Variants in DST observed in about 807,000 individuals in gnomAD.
DST encodes the protein bullous pemphigoid antigen.
In DST, 253 loss-of-function variants were observed where a neutral mutation model predicts 875.2. The observed-to-expected ratio is 0.29, with a 90% CI of 0.26 to 0.32. DST has a LOEUF of 0.32. Ranked by LOEUF, DST falls within the 10% of genes least tolerant of loss-of-function variation. The pLI is 1.00. For missense variants in DST, 8,287 were observed against 9,111.6 expected, an observed-to-expected ratio of 0.91 and a Z score of 3.68; for synonymous variants, 3,124 against 3,197.1, an observed-to-expected ratio of 0.98 and a Z score of 0.77.
At chr6:56,692,019 T>C (rs1002966174) in intron 9 of DST, among the ~76,000 whole-genome samples, 1 of 152,234 alleles carries the variant, frequency 6.6e-6, no homozygotes, top group African/African-American at 2.4e-5. Context: ...CTCATGACTA[T>C]TTCTAATTGA....
chr6:56,548,239 T>C (rs2097261753), intron 61 of DST, among the ~76,000 whole-genome samples: 1 of 152,204 alleles, frequency 6.6e-6, no homozygotes, highest in African/African-American at 2.4e-5. Context: ...AGTTTATGAA[T>C]TTGTGTTGGG....
intron 93 of DST, 65 bp from the exon 94 acceptor site, chr6:56,472,287 C>T: frequency 6.7e-7 from 1 of 1,489,978 alleles, no homozygotes; most frequent in African/African-American, 1.4e-5. Flanking sequence ...TAAGGCTTGA[C>T]CTTTTTTGCT....
chr6:56,498,182 T>C (rs1318600784), intron 80 of DST, 129 bp from the exon 81 acceptor site: 35 of 939,754 alleles, frequency 3.7e-5, no homozygotes, highest in Middle Eastern at 2.5e-4. Flanking sequence ...GAATTTTAAT[T>C]TTTTTTAAAG....
At chr6:56,542,595 AT>A (rs2097148517) in intron 61 of DST, 2 of 152,272 alleles carry the variant, frequency 1.3e-5, no homozygotes, top group African/African-American at 2.4e-5. Context: ...CAGGGACTAC[AT>A]TAGCCTTTGA....
intron 36 of DST, chr6:56,618,225 C>A (rs780160640): frequency 3.7e-6 from 6 of 1,614,066 alleles, no homozygotes. Flanking sequence ...TGGAATTGGA[C>A]TTCTTTGGGT....
chr6:56,748,532 G>C lies in DST; in HGVS notation c.626-13243C>G, dbSNP rs190151565. Among the ~76,000 whole-genome samples, 4 of 152,208 alleles carry C rather than the reference G, an allele frequency of 2.6e-5. No individual in the cohort carries two copies. In the East Asian group the frequency reaches 7.7e-4, roughly 29 times the overall value. On this transcript the variant is annotated intron_variant, in intron 4 of 103. Transcript: ENST00000680361. ...AGAGTATAATTAAGATTATGTAGTA[G>C]GCTCTCAAGAAATACACTGGCTTCC...
Position 56,600,145 on chromosome 6 carries a change from C to T in DST, c.11618G>A (p.Arg3873His), listed in dbSNP as rs755261768. The part of the protein sequence containing the change: ...ICDLLTQTEN[R>H]LIGHQEAFMI... ...GAAGGCTTCTTGGTGACCAATTAGG[C>T]GGTTTTCAGTTTGGGTAAGAAGATC... The change falls in exon 45 of 104, where the codon CGC becomes CAC. Residue 3873 changes from arginine (R) to histidine (H), a missense_variant. By Grantham distance (29) the Arg-to-His change is conservative. Coordinates refer to ENST00000680361, the MANE Select transcript of DST (RefSeq NM_001374736.1). The T allele has an allele frequency of 1.2e-6, 2 of 1,612,886 alleles. No homozygotes were observed. Among genetic ancestry groups the T allele is most frequent in the East Asian group, 2.2e-5 (1 of 44,860 alleles).
chr6:56,627,767 T>C (rs553553317), intron 33 of DST, among the ~76,000 whole-genome samples: 2 of 152,330 alleles, frequency 1.3e-5, no homozygotes, highest in East Asian at 3.9e-4. Flanking sequence ...ATTTGAAAAG[T>C]ATCCCAACAC....
Position 56,629,370 on chromosome 6 carries a change from G to T in DST, c.4355C>A (p.Ala1452Asp), listed in dbSNP as rs1204319451. The change falls in exon 32 of 104, where the codon GCC becomes GAC. Residue 1452 changes from alanine (A) to aspartate (D), a missense_variant. Ala to Asp is a moderately radical substitution (Grantham distance 126, BLOSUM62 -2). Coordinates refer to ENST00000680361, the MANE Select transcript of DST (RefSeq NM_001374736.1). ...ALEDELQKAKAISDEMFKTYK... is the reference protein window; with the variant it reads ...ALEDELQKAKDISDEMFKTYK... ...CGTTTTAAACATTTCATCACTGATG[G>T]CTTTAGCTTTCTGCAACTCATCCTC... The T allele has an allele frequency of 6.2e-7, 1 of 1,613,552 alleles. No individual in the cohort carries two copies. The highest frequency in any genetic ancestry group is 1.3e-5 in the African/African-American group (1 of 74,980).
chr6:56,928,857 C>A (rs987704349), intron 2 of DST, among the ~76,000 whole-genome samples: 160 of 151,648 alleles, frequency 1.1e-3, no homozygotes, highest in African/African-American at 3.8e-3. Context: ...TATACTTTTA[C>A]AAGAAATATG....
Position 56,504,098 on chromosome 6 carries a change from C to T in DST, c.19465G>A (p.Ala6489Thr). ...AAVQYQDGLQ[A>T]VFDWVDIAGG... is the part of the protein sequence containing the mutation. ...GCAATATCTACCCAGTCAAATACCG[C>T]CTGAAAGACACATTCGCCCACGTGT... is the stretch of plus-strand genomic sequence containing the variant. The change falls in exon 78 of 104, where the codon GCG becomes ACG. Residue 6489 changes from alanine (A) to threonine (T), a missense_variant and splice_region_variant. Physicochemically the swap from Ala to Thr is moderately conservative, Grantham distance 58. Transcript: ENST00000680361. The T allele has an allele frequency of 1.9e-6, 3 of 1,604,408 alleles. No homozygotes were observed. Among genetic ancestry groups the T allele is most frequent in the Non-Finnish European group, 2.6e-6 (3 of 1,174,880 alleles).
At chr6:56,912,346 T>C (rs1414521221) in intron 2 of DST, among the ~76,000 whole-genome samples, 2 of 152,224 alleles carry the variant, frequency 1.3e-5, no homozygotes, top group African/African-American at 4.8e-5. Flanking sequence ...TTTAATTAAT[T>C]AAAATTAAAT....
Position 56,643,014 on chromosome 6 carries a change from T to C in DST, c.1779-511A>G, listed in dbSNP as rs938055415. On this transcript the variant is annotated intron_variant, in intron 15 of 103. Coordinates refer to ENST00000680361, the MANE Select transcript of DST (RefSeq NM_001374736.1). ...AAAGCCATTCGTTTGCTAGCTGAGG[T>C]TTGCCTTTTGTAGCTTGTATTAAAA... 9 of 1,092,134 alleles carry C rather than the reference T, an allele frequency of 8.2e-6. No homozygotes were observed. In the African/African-American group the frequency reaches 1.4e-4, roughly 17 times the overall value. The allele number at this position is 1,092,134 out of a possible 1,614,324, so 67.7% of individuals were successfully genotyped here. A position where few individuals can be genotyped will look rare whatever the true frequency, so the allele number is the denominator to read the frequency against.
At chr6:56,702,485 A>T (rs143926888) in intron 7 of DST, among the ~76,000 whole-genome samples, 2 of 152,306 alleles carry the variant, frequency 1.3e-5, no homozygotes, top group East Asian at 1.9e-4. Flanking sequence ...AAGGAGAAAG[A>T]CAGAGAAGGT....
At position 56,629,433 on chromosome 6, in the gene DST, G is replaced by C. The variant is rs769761571; in HGVS notation, c.4292C>G (p.Ser1431Cys). 6.2e-7 allele frequency: 1 copy of C among 1,612,064 alleles called. No homozygotes were observed. The highest frequency in any genetic ancestry group is 8.5e-7 in the Non-Finnish European group (1 of 1,178,528). The change falls in exon 32 of 104, where the codon TCT becomes TGT. Residue 1431 changes from serine to cysteine, a missense_variant. By Grantham distance (112) the Ser-to-Cys change is moderately radical (BLOSUM62 -1). This residue lies in a region of DST where 3,138 missense variants were observed against 3,116.6 expected (regional missense o/e 1.01). Coordinates refer to ENST00000680361, the MANE Select transcript of DST (RefSeq NM_001374736.1). Reference sequence around the variant, plus strand: ...TACCTGTCTCTTTTCATCTACTTCAGATCTCCATTGCTAAAATACATTAAT... The same window carrying C: ...TACCTGTCTCTTTTCATCTACTTCACATCTCCATTGCTAAAATACATTAAT... ...NLISTLKQWR[S>C]EVDEKRQVFH...
At chr6:56,692,249 A>G (rs2099235361) in intron 9 of DST, 1 of 396,928 alleles carries the variant, frequency 2.5e-6, no homozygotes, top group Non-Finnish European at 4.3e-6. Flanking sequence ...TGAGGCTACT[A>G]ACAAAACGCA....
At chr6:56,699,343 T>A (rs1309769602) in intron 9 of DST, among the ~76,000 whole-genome samples, 1 of 152,194 alleles carries the variant, frequency 6.6e-6, no homozygotes, top group Admixed American at 6.5e-5. Flanking sequence ...CATTTAAGTA[T>A]CTAAAACAGG....
At chr6:56,620,494 T>G (rs2098680175) in intron 36 of DST, 2 of 1,613,984 alleles carry the variant, frequency 1.2e-6, no homozygotes, top group African/African-American at 1.3e-5. Context: ...GAGAGATATC[T>G]TCTACATTTC....
intron 2 of DST, among the ~76,000 whole-genome samples, chr6:56,915,728 A>G (rs968669141): frequency 2.6e-5 from 4 of 152,256 alleles, no homozygotes; most frequent in Non-Finnish European, 5.9e-5. Context: ...AAGTCAATGT[A>G]TCAGGCAGTA....
Sources: allele counts gnomAD v4.1 joint callset (sites outside exome capture counted in the v4.1 genomes callset), GRCh38; gene constraint gnomAD v4.1.1; regional missense constraint gnomAD v4.1.1; transcripts MANE v1.5; gene names NCBI Gene and HGNC (gene_info 2026-07-23, HGNC 2026-07-21).